Variants in TANC1 observed in about 807,000 individuals in gnomAD.
TANC1 encodes the protein protein TANC1.
In TANC1, 77 loss-of-function variants were observed where a neutral mutation model predicts 149.7. The observed-to-expected ratio is 0.51, with a 90% CI of 0.43 to 0.62. The LOEUF is 0.62. TANC1 is among the 20% of genes least tolerant of loss of function. The pLI, the probability that TANC1 is intolerant of heterozygous loss-of-function variation, is 0.00. For synonymous variants in TANC1, 854 were observed against 925.0 expected, an observed-to-expected ratio of 0.92 and a Z score of 1.39; for missense variants, 1,985 against 2,321.8, an observed-to-expected ratio of 0.85 and a Z score of 2.98.
At chr2:159,082,562 G>T (rs549428346) in intron 3 of TANC1, among the ~76,000 whole-genome samples, 6 of 152,156 alleles carry the variant, frequency 3.9e-5, no homozygotes, top group Non-Finnish European at 7.3e-5. Flanking sequence ...TCACTTGTCT[G>T]TGTGGCAAAC....
intron 5 of TANC1, among the ~76,000 whole-genome samples, chr2:159,146,934 TAA>T (rs34335455): frequency 2.4e-4 from 36 of 148,458 alleles, no homozygotes; most frequent in African/African-American, 4.9e-4. Flanking sequence ...GTTTTTGGAT[TAA>T]AAAAAAAAAA....
intron 2 of TANC1, among the ~76,000 whole-genome samples, chr2:159,063,374 C>A (rs2042407125): frequency 6.6e-6 from 1 of 152,220 alleles, no homozygotes; most frequent in Non-Finnish European, 1.5e-5. Flanking sequence ...ATCCCCCTTT[C>A]AGTGGGCATA....
chr2:159,170,456 T>C, intron 9 of TANC1, 68 bp from the exon 10 acceptor site: 1 of 1,405,048 alleles, frequency 7.1e-7, no homozygotes. Context: ...ACACAAGCAA[T>C]AATATTTGAG....
In TANC1 at chr2:159,103,084, T is replaced by G. The variant is rs1356027153; in HGVS notation, c.259+5250T>G. On this transcript the variant is annotated intron_variant, in intron 4 of 26. Coordinates refer to ENST00000263635, the MANE Select transcript of TANC1 (RefSeq NM_033394.3). The stretch of plus-strand genomic sequence containing the variant: ...TTTTCGCTATTCCTGGTGTGAATAT[T>G]TTTTAATTATGGTGAAATACATATA... 2.0e-4 allele frequency among the ~76,000 whole-genome samples: 19 copies of G among 95,752 alleles called. 4 individuals carry two copies. The highest frequency in any genetic ancestry group is 5.5e-4 in the African/African-American group (19 of 34,594). 62.8% of individuals were successfully genotyped at this position (95,752 alleles called of 152,430 possible).
intron 2 of TANC1, chr2:159,056,380 C>T (rs1574375854): frequency 1.3e-5 from 2 of 153,556 alleles, no homozygotes; most frequent in East Asian, 1.9e-4. Context: ...GGTGCGATCT[C>T]GGCTCACTGC....
intron 7 of TANC1, among the ~76,000 whole-genome samples, chr2:159,160,778 G>A (rs1212489572): frequency 6.6e-6 from 1 of 152,190 alleles, no homozygotes; most frequent in Non-Finnish European, 1.5e-5. Context: ...CAGGAACTTT[G>A]TGAGGGCAGC....
At chr2:159,122,119 G>A (rs1020205720) in intron 4 of TANC1, among the ~76,000 whole-genome samples, 3 of 152,140 alleles carry the variant, frequency 2.0e-5, no homozygotes, top group East Asian at 1.9e-4. Flanking sequence ...TGTATTTTCT[G>A]TAGAGACAGG....
intron 7 of TANC1, 28 bp from the exon 8 acceptor site, chr2:159,163,254 CT>C: frequency 6.2e-7 from 1 of 1,602,512 alleles, no homozygotes; most frequent in South Asian, 1.1e-5. Context: ...GCCTGGCCTC[CT>C]TCAAAGTATT....
chr2:159,134,512 T>G (rs2050447393), intron 4 of TANC1, among the ~76,000 whole-genome samples: 1 of 152,100 alleles, frequency 6.6e-6, no homozygotes, highest in Non-Finnish European at 1.5e-5. Flanking sequence ...AGATGGAGTC[T>G]TGCTCTGTCG....
intron 2 of TANC1, among the ~76,000 whole-genome samples, chr2:159,022,498 C>T (rs2038908973): frequency 6.6e-6 from 1 of 152,110 alleles, no homozygotes; most frequent in African/African-American, 2.4e-5. Flanking sequence ...GTAATCCCAG[C>T]ACTTTGGGAA....
chr2:158,987,803 G>A (rs1189885913), intron 1 of TANC1, among the ~76,000 whole-genome samples: 1 of 152,146 alleles, frequency 6.6e-6, no homozygotes, highest in Non-Finnish European at 1.5e-5. Flanking sequence ...GGAATGGAGT[G>A]GATAAAGTCA....
chr2:159,009,235 A>G (rs920012858), intron 2 of TANC1, among the ~76,000 whole-genome samples: 2 of 152,230 alleles, frequency 1.3e-5, no homozygotes, highest in Admixed American at 6.5e-5. Flanking sequence ...CACAGCTACC[A>G]TATGGTCTAC....
chr2:159,182,344 T>C (rs2056580513), intron 14 of TANC1, among the ~76,000 whole-genome samples: 1 of 152,204 alleles, frequency 6.6e-6, no homozygotes, highest in Admixed American at 6.5e-5. Context: ...TTTAAATAAC[T>C]GAATATTCAT....
intron 4 of TANC1, among the ~76,000 whole-genome samples, chr2:159,117,086 G>C (rs554844117): frequency 6.6e-6 from 1 of 152,286 alleles, no homozygotes; most frequent in South Asian, 2.1e-4. Flanking sequence ...CAGTGAAGCA[G>C]TGTTTGCTGC....
intron 19 of TANC1, among the ~76,000 whole-genome samples, chr2:159,208,334 TAAGTG>T (rs1383994606): frequency 5.3e-5 from 8 of 152,224 alleles, no homozygotes; most frequent in Non-Finnish European, 1.2e-4. Flanking sequence ...GATGGAGTCA[TAAGTG>T]AAGGATGGAA....
chr2:159,039,617 T>C (rs1292714912), intron 2 of TANC1, among the ~76,000 whole-genome samples: 1 of 152,218 alleles, frequency 6.6e-6, no homozygotes, highest in Non-Finnish European at 1.5e-5. Flanking sequence ...TACCCGGTAC[T>C]CATTCAGGAG....
chr2:159,184,842 C>T (rs185890189), intron 14 of TANC1, among the ~76,000 whole-genome samples: 1 of 152,212 alleles, frequency 6.6e-6, no homozygotes, highest in East Asian at 1.9e-4. Flanking sequence ...AACGTCATGC[C>T]CTCCCCTGTA....
chr2:159,053,169 C>G (rs2041595623), intron 2 of TANC1, among the ~76,000 whole-genome samples: 1 of 149,250 alleles, frequency 6.7e-6, no homozygotes, highest in African/African-American at 2.5e-5. Context: ...CCTTTGTTTT[C>G]TAGCATGCCT....
chr2:159,080,986 C>T (rs1014538839), intron 3 of TANC1, among the ~76,000 whole-genome samples: 1 of 152,206 alleles, frequency 6.6e-6, no homozygotes, highest in African/African-American at 2.4e-5. Context: ...CTCACTCCAC[C>T]TCGGGCTCCC....
Sources: allele counts gnomAD v4.1 joint callset (sites outside exome capture counted in the v4.1 genomes callset), GRCh38; gene constraint gnomAD v4.1.1; transcripts MANE v1.5; gene names NCBI Gene and HGNC (gene_info 2026-07-23, HGNC 2026-07-21).